DAB2IP: variants seen among roughly 807,000 people sequenced by gnomAD.
DAB2IP encodes DAB2 interacting protein.
Under a neutral mutation model 107.2 loss-of-function variants are expected in DAB2IP, and 28 were observed. The ratio of observed to expected loss-of-function variants is 0.26; its 90% CI spans 0.19 to 0.36. The LOEUF is 0.36. DAB2IP is among the 10% of genes least tolerant of loss of function. The probability of loss-of-function intolerance (pLI) is 1.00; values close to 1 mark genes in which losing one functional copy is unlikely to be tolerated. For missense variants in DAB2IP, 1,400 were observed against 1,644.7 expected (o/e 0.85, Z 2.57); for synonymous variants, 755 against 706.4 (o/e 1.07, Z -1.09).
At position 121,676,635 on chromosome 9, in the gene DAB2IP, GCA is replaced by G. The variant is rs35324441; in HGVS notation, c.125-2027_125-2026del. ...CGTAGGTGTTAGGAGTTCTGCAGAC[GCA>G]CACACACACACACACTCACACACAC... On this transcript the variant is annotated intron_variant, in intron 1 of 15. Transcript: ENST00000408936. Among the ~76,000 whole-genome samples, 188 of 150,482 alleles carry G rather than the reference GCA, an allele frequency of 1.2e-3. 2 individuals carry two copies. The East Asian group carries it at 0.033, about 26-fold the overall frequency.
rs536940287 is a variant in DAB2IP at position 121,666,713 on chromosome 9, A to G, written c.125-11965A>G. Among the ~76,000 whole-genome samples the G allele has an allele frequency of 4.6e-5, 7 of 152,262 alleles. No individual in the cohort carries two copies. The East Asian group carries it at 1.4e-3, about 29-fold the overall frequency. ...AAACCACCATGTCACATGTATACCTATGTAACAAACCTGCACGTTCTGCAC... is the reference window on the plus strand; with the variant it reads ...AAACCACCATGTCACATGTATACCTGTGTAACAAACCTGCACGTTCTGCAC... On this transcript the variant is annotated intron_variant, in intron 1 of 15. Coordinates refer to ENST00000408936, the Ensembl canonical transcript of DAB2IP.
rs1829858823 is a variant in DAB2IP at position 121,702,935 on chromosome 9, A to G, written c.362+3477A>G. On this transcript the variant is annotated intron_variant, in intron 3 of 15. Coordinates refer to ENST00000408936, the Ensembl canonical transcript of DAB2IP. The surrounding 1 kb of genome is among the most constrained non-coding windows in gnomAD (Gnocchi z 4.5). Reference sequence around the variant, plus strand: ...ACTCTAAAGTGTCTGTACCCCCATCAAGCTCTTCCCAGTCATCCTGGTGCG... The same window carrying G: ...ACTCTAAAGTGTCTGTACCCCCATCGAGCTCTTCCCAGTCATCCTGGTGCG... Among the ~76,000 whole-genome samples the G allele has an allele frequency of 6.6e-6, 1 of 152,136 alleles. No homozygotes were observed. The highest frequency in any genetic ancestry group is 6.5e-5 in the Admixed American group (1 of 15,282).
intron 2 of DAB2IP, among the ~76,000 whole-genome samples, chr9:121,694,986 C>T (rs984344920): frequency 1.3e-5 from 2 of 152,110 alleles, no homozygotes; most frequent in Admixed American, 6.6e-5. Context: ...GGGAGGGAGC[C>T]GCGGGTCCCT....
At chr9:121,625,903 C>G (rs1831628366) in intron 1 of DAB2IP, among the ~76,000 whole-genome samples, 2 of 152,174 alleles carry the variant, frequency 1.3e-5, no homozygotes, top group African/African-American at 4.8e-5. Context: ...TCCAATAGGA[C>G]AGTGTGGGCT....
chr9:121,695,566 C>G (rs1472696680), intron 2 of DAB2IP, among the ~76,000 whole-genome samples: 1 of 152,226 alleles, frequency 6.6e-6, no homozygotes, highest in Non-Finnish European at 1.5e-5. Flanking sequence ...GGGGCTAGAG[C>G]TGCCCAGTGG....
intron 3 of DAB2IP, chr9:121,742,785 T>C (rs530034005): frequency 2.0e-6 from 2 of 985,628 alleles, no homozygotes; most frequent in African/African-American, 3.5e-5. Context: ...CTTCCCCTAG[T>C]GTTCCTCTTC....
intron 14 of DAB2IP, among the ~76,000 whole-genome samples, chr9:121,778,070 T>C (rs767648905): frequency 6.6e-6 from 1 of 152,238 alleles, no homozygotes; most frequent in Non-Finnish European, 1.5e-5. Context: ...CAACAGAATA[T>C]GTATTGCCCT....
chr9:121,758,813 C>T (rs573579873), intron 4 of DAB2IP, 85 bp from the exon 5 acceptor site: 2 of 1,257,220 alleles, frequency 1.6e-6, no homozygotes, highest in South Asian at 2.5e-5. Context: ...CCAGAGTCCC[C>T]TGAGCCTCCA....
chr9:121,777,941 A>G lies in DAB2IP; in HGVS notation c.3314+1550A>G, dbSNP rs952733627. ...TGTCTGCTATTAATGTAGCCACCCC[A>G]ACTTCCTTTTGATTCGTGTTGGTAT... On this transcript the variant is annotated intron_variant, in intron 14 of 15. Coordinates refer to ENST00000408936, the Ensembl canonical transcript of DAB2IP. Among the ~76,000 whole-genome samples, 4 of 152,214 alleles carry G rather than the reference A, an allele frequency of 2.6e-5. No homozygotes were observed. The South Asian group carries it at 6.2e-4, about 24-fold the overall frequency.
chr9:121,749,831 C>T (rs754289989), intron 3 of DAB2IP, among the ~76,000 whole-genome samples: 9 of 152,178 alleles, frequency 5.9e-5, no homozygotes, highest in Non-Finnish European at 1.0e-4. Flanking sequence ...TGAGTCGTCA[C>T]GGGACAGGAA....
At chr9:121,732,613 A>G (rs1831610306) in intron 3 of DAB2IP, among the ~76,000 whole-genome samples, 1 of 152,132 alleles carries the variant, frequency 6.6e-6, no homozygotes, top group African/African-American at 2.4e-5. Flanking sequence ...CACACAGCTC[A>G]AAACTAGGTG....
At chr9:121,779,790 A>C (rs1480942518) in intron 14 of DAB2IP, among the ~76,000 whole-genome samples, 1 of 152,220 alleles carries the variant, frequency 6.6e-6, no homozygotes, top group African/African-American at 2.4e-5. Flanking sequence ...GATATTATTC[A>C]GTCAGAGACA....
intron 1 of DAB2IP, among the ~76,000 whole-genome samples, chr9:121,591,161 G>C (rs1274452503): frequency 6.6e-6 from 1 of 152,140 alleles, no homozygotes; most frequent in Non-Finnish European, 1.5e-5. Context: ...GAGAGGGATG[G>C]GGAAGATGGC....
chr9:121,733,078 C>T lies in DAB2IP; in HGVS notation c.363-23935C>T, dbSNP rs561964579. ...AAGTACAACTGGTCTCTTCAGAAGC[C>T]CTTGTGGTCTCTTGTACCTTGTGGT... On this transcript the variant is annotated intron_variant, in intron 3 of 15. Coordinates refer to ENST00000408936, the Ensembl canonical transcript of DAB2IP. 6.6e-5 allele frequency among the ~76,000 whole-genome samples: 10 copies of T among 152,278 alleles called. No homozygotes were observed. The South Asian group carries it at 2.1e-3, about 32-fold the overall frequency.
At chr9:121,628,750 C>G (rs1447265364) in intron 1 of DAB2IP, among the ~76,000 whole-genome samples, 1 of 152,174 alleles carries the variant, frequency 6.6e-6, no homozygotes, top group Non-Finnish European at 1.5e-5. Flanking sequence ...CTTTGGCTAC[C>G]TGTGGTTGCA....
At chr9:121,696,148 C>T (rs997417258) in intron 2 of DAB2IP, among the ~76,000 whole-genome samples, 2 of 152,156 alleles carry the variant, frequency 1.3e-5, no homozygotes, top group Admixed American at 6.5e-5. Context: ...GGATTACAGG[C>T]GTGAGCCACC....
At chr9:121,618,702 G>A (rs541152447) in intron 1 of DAB2IP, among the ~76,000 whole-genome samples, 5 of 152,178 alleles carry the variant, frequency 3.3e-5, no homozygotes, top group African/African-American at 9.6e-5. Flanking sequence ...AGGAATTCAC[G>A]CTGTAGGCGT....
intron 2 of DAB2IP, among the ~76,000 whole-genome samples, chr9:121,694,815 C>T (rs1417209437): frequency 1.3e-5 from 2 of 152,114 alleles, no homozygotes; most frequent in African/African-American, 4.8e-5. Flanking sequence ...CACGCCCAGC[C>T]GTCAGGGAAT....
intron 1 of DAB2IP, among the ~76,000 whole-genome samples, chr9:121,641,995 T>TCTCTCTCTCTCTCTC (rs1832337279): frequency 2.9e-5 from 1 of 34,982 alleles, no homozygotes; most frequent in Non-Finnish European, 5.0e-5. Context: ...TTTCTTTCCT[T>TCTCTCTCTCTCTCTC]TCTCTCTCTC....
Sources: allele counts gnomAD v4.1 joint callset (sites outside exome capture counted in the v4.1 genomes callset), GRCh38; gene constraint gnomAD v4.1.1; non-coding constraint Gnocchi (gnomAD v3.1); transcripts MANE v1.5; gene names NCBI Gene and HGNC (gene_info 2026-07-23, HGNC 2026-07-21).